TAFA1: variants seen among roughly 807,000 people sequenced by gnomAD.
The protein encoded by TAFA1 is chemokine-like protein TAFA-1.
Under a neutral mutation model 18.5 loss-of-function variants are expected in TAFA1, and 4 were observed. The observed-to-expected ratio is 0.22, with a 90% CI of 0.11 to 0.49. The LOEUF (loss-of-function observed/expected upper bound fraction) is 0.49. Ranked by LOEUF, TAFA1 falls within the 20% of genes least tolerant of loss-of-function variation. The pLI is 0.98. For synonymous variants in TAFA1, 56 were observed against 55.2 expected, an observed-to-expected ratio of 1.01 and a Z score of -0.06; for missense variants, 147 against 169.0, an observed-to-expected ratio of 0.87 and a Z score of 0.72.
chr3:68,197,980 T>A (rs1293461155), intron 2 of TAFA1, among the ~76,000 whole-genome samples: 1 of 151,764 alleles, frequency 6.6e-6, no homozygotes, highest in Non-Finnish European at 1.5e-5. Context: ...TGTTTACTAC[T>A]GTACCCTCAG....
chr3:68,183,655 T>C (rs1029326660), intron 2 of TAFA1, among the ~76,000 whole-genome samples: 4 of 152,188 alleles, frequency 2.6e-5, no homozygotes, highest in Non-Finnish European at 4.4e-5. Context: ...ATTTTGTTCA[T>C]GCATCACTTT....
chr3:68,188,527 A>G, intron 2 of TAFA1, among the ~76,000 whole-genome samples: 1 of 145,942 alleles, frequency 6.9e-6, no homozygotes, highest in African/African-American at 2.6e-5. Context: ...ATATATAGAG[A>G]GAGAGAGAGA....
intron 3 of TAFA1, among the ~76,000 whole-genome samples, chr3:68,500,441 T>A (rs2072637552): frequency 6.6e-6 from 1 of 152,170 alleles, no homozygotes; most frequent in African/African-American, 2.4e-5. Context: ...AACTTCTTAA[T>A]GTCTGTACTT....
rs541095274 is a variant in TAFA1, at chr3:68,512,778, CAA to C, written c.260-25970_260-25969del. 6.4e-3 allele frequency among the ~76,000 whole-genome samples: 957 copies of C among 150,090 alleles called. 12 individuals carry two copies. The highest frequency in any genetic ancestry group is 0.022 in the African/African-American group (885 of 40,954). On this transcript the variant is annotated intron_variant, in intron 3 of 4. Transcript: ENST00000478136. ...TGACTAAAAGTAGGATTTAAGTTAA[CAA>C]AAAAAAACCTGTTTCTTCTGGTGTC...
At chr3:68,410,342 T>A (rs1219372571) in intron 2 of TAFA1, among the ~76,000 whole-genome samples, 1 of 152,018 alleles carries the variant, frequency 6.6e-6, no homozygotes, top group Non-Finnish European at 1.5e-5. Flanking sequence ...TTTTGAAGAT[T>A]TGTGGCAGAA....
intron 3 of TAFA1, among the ~76,000 whole-genome samples, chr3:68,418,965 A>G (rs973476843): frequency 6.6e-6 from 1 of 152,162 alleles, no homozygotes; most frequent in African/African-American, 2.4e-5. Context: ...AGAGTATCTC[A>G]TGTGGTTGCA....
chr3:68,251,514 T>C (rs1025175422), intron 2 of TAFA1, among the ~76,000 whole-genome samples: 13 of 152,108 alleles, frequency 8.5e-5, no homozygotes, highest in African/African-American at 3.1e-4. Flanking sequence ...AAACAAAGAT[T>C]TGCATTTCAG....
intron 2 of TAFA1, among the ~76,000 whole-genome samples, chr3:68,396,967 T>A (rs1172222826): frequency 6.6e-6 from 1 of 152,150 alleles, no homozygotes; most frequent in Non-Finnish European, 1.5e-5. Flanking sequence ...GGCATCTTCC[T>A]TCATTTTGAC....
chr3:68,249,853 A>C lies in TAFA1; in HGVS notation c.119-167427A>C, dbSNP rs1223005575. On this transcript the variant is annotated intron_variant, in intron 2 of 4. Transcript: ENST00000478136. ...AGATTTGTTGGGTTTTTTTGTGAGT[A>C]CCCTCCTGAGCCAGAGGTGGAGTGT... Among the ~76,000 whole-genome samples, 4 of 152,072 alleles carry C rather than the reference A, an allele frequency of 2.6e-5. No homozygotes were observed. The East Asian group carries it at 7.7e-4, about 29-fold the overall frequency.
At position 68,498,721 on chromosome 3, in the gene TAFA1, GC is replaced by G. The variant is rs1388024598; in HGVS notation, c.260-40034del. ...AAATTCCTCCCAAAGCCGTTTGGTG[GC>G]TTTTTTTTTTTTTTTTTTTTTTTTT... On this transcript the variant is annotated intron_variant, in intron 3 of 4. Transcript: ENST00000478136. 8.9e-4 allele frequency among the ~76,000 whole-genome samples: 90 copies of G among 101,672 alleles called. 3 individuals carry two copies. Among genetic ancestry groups the G allele is most frequent in the African/African-American group, 1.1e-3 (21 of 18,838 alleles). 66.7% of individuals were successfully genotyped at this position (101,672 alleles called of 152,430 possible). A position where few individuals can be genotyped will look rare whatever the true frequency, so the allele number is the denominator to read the frequency against.
intron 2 of TAFA1, among the ~76,000 whole-genome samples, chr3:68,084,247 A>T (rs557881951): frequency 1.3e-5 from 2 of 152,200 alleles, no homozygotes; most frequent in Non-Finnish European, 2.9e-5. Flanking sequence ...TGTTATTTTT[A>T]TATGTGTAAA....
At chr3:68,414,903 G>C (rs1437676856) in intron 2 of TAFA1, among the ~76,000 whole-genome samples, 1 of 152,194 alleles carries the variant, frequency 6.6e-6, no homozygotes, top group Non-Finnish European at 1.5e-5. Flanking sequence ...TCTTGTATTA[G>C]AGCCAAGAGG....
At chr3:68,144,556 A>G (rs2065713312) in intron 2 of TAFA1, among the ~76,000 whole-genome samples, 1 of 152,248 alleles carries the variant, frequency 6.6e-6, no homozygotes, top group South Asian at 2.1e-4. Context: ...ATTATTTGTT[A>G]ATATGATTGG....
intron 2 of TAFA1, among the ~76,000 whole-genome samples, chr3:68,236,182 C>G (rs2066925234): frequency 1.3e-5 from 2 of 152,092 alleles, no homozygotes; most frequent in African/African-American, 2.4e-5. Context: ...AGGACAGAAC[C>G]AAGGAAAAGG....
chr3:68,046,165 C>T (rs186368618), intron 2 of TAFA1, among the ~76,000 whole-genome samples: 20 of 152,190 alleles, frequency 1.3e-4, no homozygotes, highest in East Asian at 5.8e-4. Flanking sequence ...GTGATTCTGG[C>T]GGCGGTTTTC....
chr3:68,162,905 G>A (rs887297828), intron 2 of TAFA1, among the ~76,000 whole-genome samples: 4 of 152,172 alleles, frequency 2.6e-5, no homozygotes, highest in Admixed American at 2.6e-4. Flanking sequence ...ATATTTATGT[G>A]CACTTTAGTG....
chr3:68,238,267 T>A (rs1335600444), intron 2 of TAFA1, among the ~76,000 whole-genome samples: 1 of 152,178 alleles, frequency 6.6e-6, no homozygotes, highest in South Asian at 2.1e-4. Context: ...AGGGCTGAGG[T>A]AGGGGACCCC....
chr3:68,043,917 C>G (rs1292793027), intron 2 of TAFA1, among the ~76,000 whole-genome samples: 1 of 151,916 alleles, frequency 6.6e-6, no homozygotes, highest in African/African-American at 2.4e-5. Flanking sequence ...CATATGTATA[C>G]ATGTAAAAAA....
rs759151627 is a variant in TAFA1 at position 68,159,306 on chromosome 3, A to C, written c.118+152562A>C. Among the ~76,000 whole-genome samples the C allele has an allele frequency of 1.4e-4, 21 of 152,186 alleles. 1 individual carries two copies. Among genetic ancestry groups the C allele is most frequent in the Non-Finnish European group, 1.8e-4 (12 of 68,036 alleles). Reference sequence around the variant, plus strand: ...AATGCCTGAGTTGTTTCTTTATGTGAAAATGAGGCAGCTGGACCATGAGCC... The same window carrying C: ...AATGCCTGAGTTGTTTCTTTATGTGCAAATGAGGCAGCTGGACCATGAGCC... On this transcript the variant is annotated intron_variant, in intron 2 of 4. Coordinates refer to ENST00000478136, the MANE Select transcript of TAFA1 (RefSeq NM_213609.4).
Sources: gnomAD v4.1 joint callset for allele counts (sites outside exome capture counted in the v4.1 genomes callset) on GRCh38, gnomAD v4.1.1 for gene constraint, MANE v1.5 for transcripts, NCBI Gene and HGNC (gene_info 2026-07-23, HGNC 2026-07-21) for gene names.